The following CFAP54 variants were observed in gnomAD, a reference collection of about 807,000 sequenced individuals.
CFAP54 encodes the protein cilia and flagella associated protein 54.
In CFAP54, 290 loss-of-function variants were observed where a neutral mutation model predicts 370.4. That is an observed-to-expected ratio of 0.78 (90% CI 0.71 to 0.86). The LOEUF (loss-of-function observed/expected upper bound fraction) is 0.86. CFAP54 is among the 40% of genes least tolerant of loss of function. The pLI, the probability that CFAP54 is intolerant of heterozygous loss-of-function variation, is 0.00. For synonymous variants in CFAP54, 1,206 were observed against 1,236.5 expected (o/e 0.98, Z 0.52); for missense variants, 3,399 against 3,528.7 (o/e 0.96, Z 0.93).
intron 48 of CFAP54, among the ~76,000 whole-genome samples, chr12:96,713,071 G>C (rs547481725): frequency 9.2e-5 from 14 of 152,284 alleles, no homozygotes; most frequent in African/African-American, 3.4e-4. Context: ...AAAGGAAAAT[G>C]CTCATATACT....
Position 96,626,392 on chromosome 12 carries a change from C to CA in CFAP54, c.3977-409dup, listed in dbSNP as rs1396952837. On this transcript the variant is annotated intron_variant, in intron 29 of 67. Coordinates refer to ENST00000524981, the MANE Select transcript of CFAP54 (RefSeq NM_001306084.2). ...CAGAGTGAGACTCTGTCTCAAAAAACAAAAAAAAAAAAGAAAAAAGAAAAA... is the reference window on the plus strand; with the variant it reads ...CAGAGTGAGACTCTGTCTCAAAAAACAAAAAAAAAAAAAGAAAAAAGAAAAA... 3.1e-3 allele frequency among the ~76,000 whole-genome samples: 317 copies of CA among 103,684 alleles called. 1 individual carries two copies. The highest frequency in any genetic ancestry group is 6.2e-3 in the African/African-American group (170 of 27,598). 68.0% of individuals were successfully genotyped at this position (103,684 alleles called of 152,430 possible).
chr12:96,742,566 A>G lies in CFAP54; in HGVS notation c.7199A>G (p.His2400Arg). Residue 2400 changes from histidine (H) to arginine (R), a missense_variant, in exon 52 of 68, where the codon CAT becomes CGT. His to Arg is a conservative substitution (Grantham distance 29). This residue lies in a region of CFAP54 where 2,796 missense variants were observed against 2,869.7 expected (regional missense o/e 0.97). Transcript: ENST00000524981. ...ALVTAFVAQI[H>R]GIGIVKEDDM... ...GTGACTGCATTTGTTGCACAGATTCATGGCATTGGAATTGTGAAAGGTACA... is the reference window on the plus strand; with the variant it reads ...GTGACTGCATTTGTTGCACAGATTCGTGGCATTGGAATTGTGAAAGGTACA... 1 of 1,612,812 alleles carries G rather than the reference A, an allele frequency of 6.2e-7. No individual in the cohort carries two copies. The highest frequency in any genetic ancestry group is 8.5e-7 in the Non-Finnish European group (1 of 1,179,484).
At chr12:96,527,664 GC>G (rs1213539522) in intron 9 of CFAP54, among the ~76,000 whole-genome samples, 1 of 151,838 alleles carries the variant, frequency 6.6e-6, no homozygotes, top group Non-Finnish European at 1.5e-5. Flanking sequence ...AACTTCCTGG[GC>G]TCAAGTGATC....
intron 50 of CFAP54, among the ~76,000 whole-genome samples, chr12:96,735,423 C>G (rs765177120): frequency 1.1e-4 from 16 of 152,142 alleles, no homozygotes; most frequent in South Asian, 4.1e-4. Flanking sequence ...TCGGCAGATA[C>G]CCTAACACTG....
chr12:96,498,404 C>T (rs572875464), intron 1 of CFAP54, among the ~76,000 whole-genome samples: 1 of 152,270 alleles, frequency 6.6e-6, no homozygotes, highest in Non-Finnish European at 1.5e-5. Context: ...CCTGTAATCC[C>T]AGCACCTGGG....
chr12:96,825,458 ATATAATATATTATATATAT>A (rs1183659233), intron 65 of CFAP54, among the ~76,000 whole-genome samples: 1 of 116,330 alleles, frequency 8.6e-6, no homozygotes, highest in Non-Finnish European at 1.6e-5. Context: ...ATTATATATA[ATATAATATATTATATATAT>A]TATATAACAT....
chr12:96,655,255 G>A lies in CFAP54; in HGVS notation c.5101-2627G>A, dbSNP rs1956908832. Among the ~76,000 whole-genome samples, 4 of 150,678 alleles carry A rather than the reference G, an allele frequency of 2.7e-5. No homozygotes were observed. The South Asian group carries it at 8.4e-4, about 31-fold the overall frequency. On this transcript the variant is annotated intron_variant, in intron 36 of 67. Coordinates refer to ENST00000524981, the MANE Select transcript of CFAP54 (RefSeq NM_001306084.2). ...TTTCAAAAAGAAATGTCAACTCTAG[G>A]ACCTAGATTGTTGCATTTAAATACA...
In CFAP54 at chr12:96,743,388, T is replaced by C. The variant is rs1314380790; in HGVS notation, c.7220-14T>C. ...TCTCAATGCATTTTAAATAACCGCATTTGTTTATTTTAGAGGATGATATGA... is the reference window on the plus strand; with the variant it reads ...TCTCAATGCATTTTAAATAACCGCACTTGTTTATTTTAGAGGATGATATGA... On this transcript the variant is annotated splice_polypyrimidine_tract_variant and intron_variant, in intron 52 of 67. Transcript: ENST00000524981. 8 of 1,609,768 alleles carry C rather than the reference T, an allele frequency of 5.0e-6. No individual in the cohort carries two copies. The highest frequency in any genetic ancestry group is 6.8e-6 in the Non-Finnish European group (8 of 1,177,906).
Position 96,757,487 on chromosome 12 carries a change from C to A in CFAP54, c.7947-8C>A. The A allele has an allele frequency of 6.7e-7, 1 of 1,483,722 alleles. No homozygotes were observed. Among genetic ancestry groups the A allele is most frequent in the Non-Finnish European group, 9.4e-7 (1 of 1,069,168 alleles). The allele number at this position is 1,483,722 out of a possible 1,614,324, so 91.9% of individuals were successfully genotyped here. ...CTATTTAATAAGTACAGTGCTATAT[C>A]ATTTTAGATTGATAAGAGACTCCTA... On this transcript the variant is annotated splice_region_variant and splice_polypyrimidine_tract_variant and intron_variant, in intron 57 of 67. Coordinates refer to ENST00000524981, the MANE Select transcript of CFAP54 (RefSeq NM_001306084.2).
chr12:96,622,725 A>G (rs1956512588), intron 27 of CFAP54, among the ~76,000 whole-genome samples: 1 of 152,144 alleles, frequency 6.6e-6, no homozygotes, highest in African/African-American at 2.4e-5. Flanking sequence ...AGAGACTCTC[A>G]TCCCTGACTC....
chr12:96,654,634 CCTT>C (rs1259583077), intron 36 of CFAP54, among the ~76,000 whole-genome samples: 4 of 152,130 alleles, frequency 2.6e-5, no homozygotes, highest in African/African-American at 9.7e-5. Flanking sequence ...TGCATTTACT[CCTT>C]TTATCTTACT....
In CFAP54 at chr12:96,554,783, G is replaced by A; in HGVS notation, c.2391G>A (p.Val797=). The change falls in exon 17 of 68, where the codon GTG becomes GTA. Residue 797 remains valine, a synonymous_variant. Coordinates refer to ENST00000524981, the MANE Select transcript of CFAP54 (RefSeq NM_001306084.2). ...LIQAQHRIAV[V]LLDKLQVLQT... is the part of the protein sequence containing the mutation. ...AAGCTCAGCATCGAATAGCTGTTGT[G>A]CTTCTGGACAAATTGCAAGGTAGTA... 6.5e-7 allele frequency: 1 copy of A among 1,533,898 alleles called. No homozygotes were observed. Among genetic ancestry groups the A allele is most frequent in the Non-Finnish European group, 8.7e-7 (1 of 1,145,550 alleles).
intron 40 of CFAP54, among the ~76,000 whole-genome samples, chr12:96,684,305 A>G (rs892106358): frequency 5.3e-5 from 8 of 152,128 alleles, no homozygotes; most frequent in African/African-American, 1.4e-4. Flanking sequence ...CCAGAAAACT[A>G]TACTCCAGTC....
intron 26 of CFAP54, among the ~76,000 whole-genome samples, chr12:96,606,586 A>G (rs1418465171): frequency 2.0e-5 from 3 of 152,224 alleles, no homozygotes; most frequent in Non-Finnish European, 4.4e-5. Flanking sequence ...AGGTAAAGAG[A>G]TGAGGAATTC....
Position 96,681,370 on chromosome 12 carries a change from CTTT to C in CFAP54, c.5716+1632_5716+1634del, listed in dbSNP as rs202097088. On this transcript the variant is annotated intron_variant, in intron 40 of 67. Coordinates refer to ENST00000524981, the MANE Select transcript of CFAP54 (RefSeq NM_001306084.2). ...ATCTTATAAAGAGACAAGGTTTTTC[CTTT>C]TTTTTTTTTTTTTGTCTCAGGCCAG... Among the ~76,000 whole-genome samples, 389 of 134,788 alleles carry C rather than the reference CTTT, an allele frequency of 2.9e-3. 1 individual carries two copies. The highest frequency in any genetic ancestry group is 3.9e-3 in the Middle Eastern group (1 of 256). 88.4% of individuals were successfully genotyped at this position (134,788 alleles called of 152,430 possible). A position where few individuals can be genotyped will look rare whatever the true frequency, so the allele number is the denominator to read the frequency against.
rs1253017214 is a variant in CFAP54, at chr12:96,784,812, A to G, written c.8377A>G (p.Lys2793Glu). The change falls in exon 61 of 68, where the codon AAA becomes GAA. Residue 2793 changes from lysine (K) to glutamate (E), a missense_variant. Lys to Glu is a moderately conservative substitution (Grantham distance 56). This residue lies in a region of CFAP54 where 2,796 missense variants were observed against 2,869.7 expected (regional missense o/e 0.97). Coordinates refer to ENST00000524981, the MANE Select transcript of CFAP54 (RefSeq NM_001306084.2). ...SADGRKKTQTKVDITWILLLR... is the reference protein window; with the variant it reads ...SADGRKKTQTEVDITWILLLR... ...AGATGGTAGAAAAAAGACTCAGACC[A>G]AAGTGGATATTACATGGATCCTTCT... 1 of 1,534,944 alleles carries G rather than the reference A, an allele frequency of 6.5e-7. No individual in the cohort carries two copies. The highest frequency in any genetic ancestry group is 2.4e-5 in the East Asian group (1 of 40,820).
At chr12:96,491,726 C>T (rs1954887396) in intron 1 of CFAP54, among the ~76,000 whole-genome samples, 1 of 152,060 alleles carries the variant, frequency 6.6e-6, no homozygotes, top group South Asian at 2.1e-4. Flanking sequence ...AAGAATTGAC[C>T]AAGGAAAGCC....
At chr12:96,614,447 C>A (rs942520420) in intron 26 of CFAP54, among the ~76,000 whole-genome samples, 7 of 152,176 alleles carry the variant, frequency 4.6e-5, no homozygotes, top group Non-Finnish European at 1.5e-5. Context: ...CCTTTGAAAA[C>A]TGGCACAAGA....
At chr12:96,723,391 G>C (rs1172940946) in intron 50 of CFAP54, among the ~76,000 whole-genome samples, 1 of 152,114 alleles carries the variant, frequency 6.6e-6, no homozygotes, top group Non-Finnish European at 1.5e-5. Context: ...GAGAAGAAGT[G>C]ACCAGTAAGA....
Sources: gnomAD v4.1 joint callset for allele counts (sites outside exome capture counted in the v4.1 genomes callset) on GRCh38, gnomAD v4.1.1 for gene constraint, gnomAD v4.1.1 regional missense constraint, MANE v1.5 for transcripts, NCBI Gene and HGNC (gene_info 2026-07-23, HGNC 2026-07-21) for gene names.